Variants in CENATAC observed in about 807,000 individuals in gnomAD.
CENATAC encodes centrosomal AT-AC splicing factor, also known as coiled-coil domain containing 84.
CENATAC carries 53 observed loss-of-function variants against 53.7 expected under a neutral mutation model. The observed-to-expected ratio is 0.99, with a 90% CI of 0.79 to 1.24. The LOEUF is 1.24. CENATAC is among the 50% of genes most tolerant of loss of function. The probability of loss-of-function intolerance (pLI) is 0.00; values close to 1 mark genes in which losing one functional copy is unlikely to be tolerated. For synonymous variants in CENATAC, 156 were observed against 144.6 expected, an observed-to-expected ratio of 1.08 and a Z score of -0.57; for missense variants, 474 against 417.8, an observed-to-expected ratio of 1.13 and a Z score of -1.17.
chr11:119,015,068 G>A lies in CENATAC; in HGVS notation c.790G>A (p.Glu264Lys), dbSNP rs782437414. 1.9e-6 allele frequency: 3 copies of A among 1,609,304 alleles called. No homozygotes were observed. Among genetic ancestry groups the A allele is most frequent in the South Asian group, 1.1e-5 (1 of 90,714 alleles). ...GNQEIGPSYE[E>K]FLKEKEKQKL... ...CCAAGAAATAGGACCATCCTATGAA[G>A]AATTTCTTAAAGAAAGTAAGTAAAC... The change falls in exon 9 of 11, where the codon GAA becomes AAA. Residue 264 changes from glutamate to lysine, a missense_variant. By Grantham distance (56) the Glu-to-Lys change is moderately conservative (BLOSUM62 1). Transcript: ENST00000334418.
chr11:119,011,129 C>T (rs781837364), intron 4 of CENATAC, 92 bp from the exon 5 acceptor site: 18 of 1,103,888 alleles, frequency 1.6e-5, no homozygotes, highest in Middle Eastern at 4.5e-4. Context: ...CTGGTCCACG[C>T]CTGGGGGTGG....
intron 3 of CENATAC, chr11:119,009,709 G>A (rs919462555): frequency 1.3e-5 from 2 of 152,194 alleles, no homozygotes; most frequent in Admixed American, 6.5e-5. Context: ...AGGCTCTCAG[G>A]GAACACTGTT....
intron 3 of CENATAC, among the ~76,000 whole-genome samples, chr11:119,007,603 C>T (rs1460036941): frequency 6.6e-6 from 1 of 152,142 alleles, no homozygotes; most frequent in African/African-American, 2.4e-5. Flanking sequence ...AATCCTCCCA[C>T]CCCAGCCTTC....
chr11:119,012,234 C>CT lies in CENATAC; in HGVS notation c.665dup (p.Thr223AspfsTer13). On this transcript the variant is annotated frameshift_variant, in exon 7 of 11. Coordinates refer to ENST00000334418, the MANE Select transcript of CENATAC (RefSeq NM_198489.3). LOFTEE classifies it high-confidence loss of function. ...TGACTGGATGGAGACAGGACCATCT[C>CT]TGACATTCATTGGCCATCAGGTACA... The CT allele has an allele frequency of 6.2e-7, 1 of 1,614,140 alleles. No homozygotes were observed. Among genetic ancestry groups the CT allele is most frequent in the Middle Eastern group, 1.6e-4 (1 of 6,062 alleles).
chr11:119,015,391 T>G lies in CENATAC; in HGVS notation c.890T>G (p.Leu297Arg). The change falls in exon 10 of 11, where the codon CTG becomes CGG. Residue 297 changes from leucine to arginine, a missense_variant. Physicochemically the swap from Leu to Arg is moderately radical, Grantham distance 102. Coordinates refer to ENST00000334418, the MANE Select transcript of CENATAC (RefSeq NM_198489.3). ...DHSSRTSAGW[L>R]PSFGRVWNNG... is the part of the protein sequence containing the mutation. ...AGCTCCAGGACCAGTGCAGGCTGGC[T>G]GCCCTCTTTTGGCCGCGTCTGGAAT... The G allele has an allele frequency of 6.2e-7, 1 of 1,614,238 alleles. No homozygotes were observed. Among genetic ancestry groups the G allele is most frequent in the Non-Finnish European group, 8.5e-7 (1 of 1,180,022 alleles).
intron 3 of CENATAC, among the ~76,000 whole-genome samples, chr11:119,004,082 A>G (rs531715813): frequency 2.6e-5 from 4 of 152,294 alleles, no homozygotes; most frequent in African/African-American, 9.6e-5. Context: ...CTGCCTATTG[A>G]TTTGGAAATT....
At chr11:119,011,071 G>C in intron 4 of CENATAC, 150 bp from the exon 5 acceptor site, 2 of 679,768 alleles carry the variant, frequency 2.9e-6, no homozygotes, top group Non-Finnish European at 5.1e-6. Context: ...CAGGAGCTCA[G>C]GCGGCAGTGC....
At position 119,015,547 on chromosome 11, in the gene CENATAC, C is replaced by G; in HGVS notation, c.948C>G (p.Phe316Leu). The G allele has an allele frequency of 6.2e-7, 1 of 1,614,098 alleles. No individual in the cohort carries two copies. The highest frequency in any genetic ancestry group is 8.5e-7 in the Non-Finnish European group (1 of 1,180,020). Reference sequence around the variant, plus strand: ...CTTTATTTCCTTTCAGACATCAATTCAAAACTGAAGCTGCAGCAATGAAGA... The same window carrying G: ...CTTTATTTCCTTTCAGACATCAATTGAAAACTGAAGCTGCAGCAATGAAGA... ...NGRRWQSRHQ[F>L]KTEAAAMKKQ... Residue 316 changes from phenylalanine to leucine, a missense_variant, in exon 11 of 11, where the codon TTC (phenylalanine) becomes TTG (leucine). Physicochemically the swap from Phe to Leu is conservative, Grantham distance 22. Transcript: ENST00000334418.
At chr11:119,013,604 C>T (rs1439340154) in intron 8 of CENATAC, among the ~76,000 whole-genome samples, 2 of 151,306 alleles carry the variant, frequency 1.3e-5, no homozygotes, top group Non-Finnish European at 3.0e-5. Context: ...GCTGGGACTA[C>T]AGGCGCCCGC....
chr11:118,999,833 G>A (rs1320694078), intron 3 of CENATAC, among the ~76,000 whole-genome samples: 3 of 152,208 alleles, frequency 2.0e-5, no homozygotes, highest in South Asian at 2.1e-4. Flanking sequence ...TAGTAGAGAC[G>A]GGGTTTCACC....
At chr11:119,006,909 CTG>C (rs1565664049) in intron 3 of CENATAC, among the ~76,000 whole-genome samples, 1 of 152,224 alleles carries the variant, frequency 6.6e-6, no homozygotes. Flanking sequence ...TTCATTCTCT[CTG>C]GCCTGCCACC....
chr11:119,003,630 T>TTTG (rs1296913215), intron 3 of CENATAC: 1 of 214,144 alleles, frequency 4.7e-6, no homozygotes, highest in Non-Finnish European at 9.2e-6. Context: ...TCTTTTTTTT[T>TTTG]TTTTTTTTTG....
intron 3 of CENATAC, 55 bp from the exon 4 acceptor site, chr11:119,010,709 T>C: frequency 6.7e-7 from 1 of 1,492,766 alleles, no homozygotes; most frequent in African/African-American, 1.4e-5. Context: ...GAGGAGCTTT[T>C]CGTTTTAACT....
intron 7 of CENATAC, 109 bp downstream of exon 7, chr11:119,012,363 T>C (rs952098570): frequency 4.1e-6 from 5 of 1,224,380 alleles, no homozygotes; most frequent in Middle Eastern, 5.4e-4. Context: ...ACTGCAGGCT[T>C]TTCCTTCTTC....
In CENATAC at chr11:119,015,512, C is replaced by A. The variant is rs782043528; in HGVS notation, c.939-26C>A. 7 of 1,613,974 alleles carry A rather than the reference C, an allele frequency of 4.3e-6. No homozygotes were observed. In the Admixed American group the frequency reaches 5.0e-5, roughly 12 times the overall value. ...TTTTGGAGATGTCACCCTTCATCATCGTGTTAACCCTTTATTTCCTTTCAG... is the reference window on the plus strand; with the variant it reads ...TTTTGGAGATGTCACCCTTCATCATAGTGTTAACCCTTTATTTCCTTTCAG... On this transcript the variant is annotated intron_variant, in intron 10 of 10. Transcript: ENST00000334418.
At position 118,998,223 on chromosome 11, in the gene CENATAC, T is replaced by A; in HGVS notation, c.26T>A (p.Leu9Gln). The A allele has an allele frequency of 1.3e-5, 21 of 1,584,000 alleles. No homozygotes were observed. The highest frequency in any genetic ancestry group is 1.8e-5 in the Non-Finnish European group (21 of 1,165,680). The change falls in exon 1 of 11, where the codon CTG (leucine) becomes CAG (glutamine). Residue 9 changes from leucine to glutamine, a missense_variant. Coordinates refer to ENST00000334418, the MANE Select transcript of CENATAC (RefSeq NM_198489.3). MAPAQRCP[L>Q]CRQTFFCGRG... ...ATGGCGCCGGCGCAGCGCTGCCCTC[T>A]GTGCCGCCAGACCTTCTTCTGTGGT...
intron 3 of CENATAC, chr11:119,010,012 G>C (rs1437328678): frequency 6.6e-6 from 1 of 152,202 alleles, no homozygotes; most frequent in South Asian, 2.1e-4. Flanking sequence ...CAGGCATAGT[G>C]GTGCTGTCCT....
At chr11:119,008,294 T>G (rs1214487153) in intron 3 of CENATAC, among the ~76,000 whole-genome samples, 1 of 152,200 alleles carries the variant, frequency 6.6e-6, no homozygotes, top group African/African-American at 2.4e-5. Flanking sequence ...GATTATTATT[T>G]TTCATTATTT....
Position 119,012,500 on chromosome 11 carries a change from T to C in CENATAC, c.684+246T>C, listed in dbSNP as rs1395552989. The C allele has an allele frequency of 1.2e-5, 5 of 414,064 alleles. No individual in the cohort carries two copies. In the East Asian group the frequency reaches 2.1e-4, roughly 18 times the overall value. 25.6% of individuals were successfully genotyped at this position (414,064 alleles called of 1,614,324 possible). A position where few individuals can be genotyped will look rare whatever the true frequency, so the allele number is the denominator to read the frequency against. On this transcript the variant is annotated intron_variant, in intron 7 of 10. Transcript: ENST00000334418. Reference sequence around the variant, plus strand: ...CCTCTGTAGAACTCATAGTTCCAACTCAACACAGGACATTAAATATCCCAC... The same window carrying C: ...CCTCTGTAGAACTCATAGTTCCAACCCAACACAGGACATTAAATATCCCAC...
Sources: gnomAD v4.1 joint callset for allele counts (sites outside exome capture counted in the v4.1 genomes callset) on GRCh38, gnomAD v4.1.1 for gene constraint, MANE v1.5 for transcripts, NCBI Gene and HGNC (gene_info 2026-07-23, HGNC 2026-07-21) for gene names.